The following PRKCH variants were observed in gnomAD, a reference collection of about 807,000 sequenced individuals.
PRKCH encodes protein kinase C eta type.
A neutral mutation model predicts 82.5 loss-of-function variants in PRKCH; 28 were observed. That is an observed-to-expected ratio of 0.34 (90% CI 0.25 to 0.47). The LOEUF is 0.47. PRKCH is among the 20% of genes least tolerant of loss of function. The pLI, the probability that PRKCH is intolerant of heterozygous loss-of-function variation, is 1.00. For missense variants in PRKCH, 705 were observed against 881.8 expected, an observed-to-expected ratio of 0.80 and a Z score of 2.54; for synonymous variants, 322 against 327.4, an observed-to-expected ratio of 0.98 and a Z score of 0.18.
intron 10 of PRKCH, among the ~76,000 whole-genome samples, chr14:61,522,340 C>T (rs2042917297): frequency 6.6e-6 from 1 of 152,134 alleles, no homozygotes; most frequent in African/African-American, 2.4e-5. Flanking sequence ...AAATCTAATG[C>T]CATCCCTCTC....
chr14:61,325,573 G>A (rs1332156030), intron 1 of PRKCH, among the ~76,000 whole-genome samples: 1 of 152,030 alleles, frequency 6.6e-6, no homozygotes, highest in Non-Finnish European at 1.5e-5. Flanking sequence ...TTTTTAGATA[G>A]CGTACAAAAG....
chr14:61,279,343 C>T (rs1012603821), intron 1 of PRKCH: 2 of 152,182 alleles, frequency 1.3e-5, no homozygotes, highest in Non-Finnish European at 2.9e-5. Flanking sequence ...CAGACCAAAC[C>T]TGGAACATCA....
intron 10 of PRKCH, among the ~76,000 whole-genome samples, chr14:61,494,457 C>T (rs970750583): frequency 3.9e-5 from 6 of 152,196 alleles, no homozygotes; most frequent in Admixed American, 3.3e-4. Context: ...TGAAAGAATG[C>T]TGGACATGGT....
chr14:61,542,191 G>A (rs2043195938), intron 12 of PRKCH, among the ~76,000 whole-genome samples: 1 of 152,124 alleles, frequency 6.6e-6, no homozygotes, highest in African/African-American at 2.4e-5. Context: ...TCGGGAGGCT[G>A]AGGAAGGAGA....
At chr14:61,412,840 C>T (rs887262309) in intron 2 of PRKCH, among the ~76,000 whole-genome samples, 5 of 152,266 alleles carry the variant, frequency 3.3e-5, no homozygotes, top group African/African-American at 1.2e-4. Flanking sequence ...TATGTGCCTG[C>T]TGTCCCTCAG....
At chr14:61,329,234 CTTTT>C (rs71117812) in intron 1 of PRKCH, among the ~76,000 whole-genome samples, 4 of 63,462 alleles carry the variant, frequency 6.3e-5, no homozygotes, top group Non-Finnish European at 8.0e-5. Context: ...ACTCCTGAGT[CTTTT>C]TTTTTTTTTT....
chr14:61,286,686 G>T (rs1566807609), intron 1 of PRKCH, among the ~76,000 whole-genome samples: 5 of 152,158 alleles, frequency 3.3e-5, no homozygotes, highest in African/African-American at 1.2e-4. Context: ...TGAGGCAGGA[G>T]AATCGCTTGA....
At chr14:61,360,453 C>T (rs577762848) in intron 1 of PRKCH, among the ~76,000 whole-genome samples, 3 of 151,642 alleles carry the variant, frequency 2.0e-5, no homozygotes, top group Non-Finnish European at 4.4e-5. Flanking sequence ...TGCAGGGAGC[C>T]GAAGTCGCGC....
At chr14:61,318,368 T>G (rs1184525029), upstream of PRKCH, among the ~76,000 whole-genome samples, 3 of 124,324 alleles carry the variant, frequency 2.4e-5, no homozygotes, top group Non-Finnish European at 5.2e-5. Flanking sequence ...TTAAAAAGTT[T>G]TTTTTTTTTT....
At chr14:61,266,004 A>C (rs923536726) in intron 1 of PRKCH, among the ~76,000 whole-genome samples, 2 of 152,202 alleles carry the variant, frequency 1.3e-5, no homozygotes, top group Non-Finnish European at 2.9e-5. Context: ...CTAAGGCAGG[A>C]GAATCACTTG....
chr14:61,363,609 G>A lies in PRKCH; in HGVS notation c.364-27616G>A, dbSNP rs529672495. ...CAAGGTAATATACTGATTTTAAAAA[G>A]TGTCCATCTGGCAATTGAATGTGAG... On this transcript the variant is annotated intron_variant, in intron 1 of 13. Coordinates refer to ENST00000332981, the MANE Select transcript of PRKCH (RefSeq NM_006255.5). Among the ~76,000 whole-genome samples, 4 of 152,280 alleles carry A rather than the reference G, an allele frequency of 2.6e-5. No individual in the cohort carries two copies. The South Asian group carries it at 8.3e-4, about 32-fold the overall frequency.
chr14:61,451,062 A>G, intron 6 of PRKCH, 91 bp downstream of exon 6: 1 of 1,429,716 alleles, frequency 7.0e-7, no homozygotes, highest in African/African-American at 1.4e-5. Context: ...TCTGTCCTAG[A>G]ACTGATGGTT....
intron 1 of PRKCH, among the ~76,000 whole-genome samples, chr14:61,333,904 C>A (rs553332561): frequency 2.0e-5 from 3 of 152,104 alleles, no homozygotes; most frequent in Admixed American, 1.3e-4. Context: ...ATTGGTGAGG[C>A]CTGCCTGATC....
intron 10 of PRKCH, among the ~76,000 whole-genome samples, chr14:61,489,496 C>T (rs1306206498): frequency 6.6e-6 from 1 of 152,224 alleles, no homozygotes; most frequent in Non-Finnish European, 1.5e-5. Flanking sequence ...CCCTGATTCT[C>T]AGATGTATTC....
intron 1 of PRKCH, among the ~76,000 whole-genome samples, chr14:61,285,797 C>T (rs181546168): frequency 1.6e-4 from 25 of 152,256 alleles, no homozygotes; most frequent in Admixed American, 1.5e-3. Flanking sequence ...ATTCCAGTGT[C>T]CTGTTTCTTC....
At chr14:61,507,465 C>G (rs757178946) in intron 10 of PRKCH, among the ~76,000 whole-genome samples, 2 of 152,138 alleles carry the variant, frequency 1.3e-5, no homozygotes, top group Non-Finnish European at 2.9e-5. Flanking sequence ...ATCTGGATCT[C>G]AGAGATGTCT....
intron 6 of PRKCH, 121 bp from the exon 7 acceptor site, chr14:61,453,105 A>T (rs1361510406): frequency 1.6e-6 from 2 of 1,240,270 alleles, no homozygotes; most frequent in Non-Finnish European, 2.3e-6. Flanking sequence ...TGAGAAAATG[A>T]TACTGTTCAG....
chr14:61,436,902 G>A (rs762819717), intron 2 of PRKCH, among the ~76,000 whole-genome samples: 34 of 152,166 alleles, frequency 2.2e-4, no homozygotes, highest in Non-Finnish European at 4.6e-4. Flanking sequence ...AAAATTCCTG[G>A]TACCTTCTCC....
chr14:61,445,099 G>A (rs1884158791), intron 3 of PRKCH, among the ~76,000 whole-genome samples: 1 of 152,232 alleles, frequency 6.6e-6, no homozygotes, highest in Non-Finnish European at 1.5e-5. Flanking sequence ...CTTTGTTAAT[G>A]AGAATGAGAA....
Sources: allele counts gnomAD v4.1 joint callset (sites outside exome capture counted in the v4.1 genomes callset), GRCh38; gene constraint gnomAD v4.1.1; transcripts MANE v1.5; gene names NCBI Gene and HGNC (gene_info 2026-07-23, HGNC 2026-07-21).